ME3: variants seen among roughly 807,000 people sequenced by gnomAD.
ME3 encodes the protein NADP-dependent malic enzyme, mitochondrial.
A neutral mutation model predicts 68.9 loss-of-function variants in ME3; 48 were observed. That is an observed-to-expected ratio of 0.70 (90% CI 0.55 to 0.89). The LOEUF is 0.89. Ranked by LOEUF, ME3 falls within the 40% of genes least tolerant of loss-of-function variation. The pLI, the probability that ME3 is intolerant of heterozygous loss-of-function variation, is 0.00. For missense variants in ME3, 675 were observed against 797.4 expected (o/e 0.85, Z 1.85); for synonymous variants, 320 against 318.8 (o/e 1.00, Z -0.04).
At position 86,529,029 on chromosome 11, in the gene ME3, A is replaced by C. The variant is rs950001635; in HGVS notation, c.468-20162T>G. Among the ~76,000 whole-genome samples, 8 of 152,218 alleles carry C rather than the reference A, an allele frequency of 5.3e-5. No homozygotes were observed. In the East Asian group the frequency reaches 9.6e-4, roughly 18 times the overall value. ...ATCAGAGCTGAACTGAAGGAGAGAGAGACACAAAAAACCCCTCAAAAAATC... is the reference window on the plus strand; with the variant it reads ...ATCAGAGCTGAACTGAAGGAGAGAGCGACACAAAAAACCCCTCAAAAAATC... On this transcript the variant is annotated intron_variant, in intron 4 of 14. Coordinates refer to ENST00000543262, the Ensembl canonical transcript of ME3.
rs551056754 is a variant in ME3 at position 86,596,827 on chromosome 11, C to T, written c.184-37004G>A. ...TTGGCTTCCCTTCTGCTCTCCTTTT[C>T]TGTAATTTTCCCTCTTTTTTCTTTA... On this transcript the variant is annotated intron_variant, in intron 2 of 14. Transcript: ENST00000543262. Among the ~76,000 whole-genome samples, 17 of 152,334 alleles carry T rather than the reference C, an allele frequency of 1.1e-4. No individual in the cohort carries two copies. In the South Asian group the frequency reaches 3.5e-3, roughly 32 times the overall value.
intron 2 of ME3, among the ~76,000 whole-genome samples, chr11:86,562,542 C>T (rs1371127522): frequency 6.6e-6 from 1 of 152,168 alleles, no homozygotes; most frequent in Non-Finnish European, 1.5e-5. Flanking sequence ...TACATCCTCT[C>T]CAGCAACTGG....
intron 4 of ME3, 31 bp from the exon 5 acceptor site, chr11:86,508,898 A>C: frequency 6.4e-7 from 1 of 1,561,648 alleles, no homozygotes; most frequent in Non-Finnish European, 8.8e-7. Flanking sequence ...ACACACAGAG[A>C]AACCAGGCAG....
At chr11:86,474,318 A>G (rs933752227) in intron 7 of ME3, among the ~76,000 whole-genome samples, 9 of 152,214 alleles carry the variant, frequency 5.9e-5, no homozygotes, top group African/African-American at 1.9e-4. Flanking sequence ...CTCTGACGGC[A>G]AGTCTTGGCC....
At chr11:86,453,820 C>T (rs1340257793) in intron 8 of ME3, among the ~76,000 whole-genome samples, 1 of 152,192 alleles carries the variant, frequency 6.6e-6, no homozygotes, top group Non-Finnish European at 1.5e-5. Context: ...GTTTGGCTGT[C>T]ACTGAGAGAA....
chr11:86,513,071 C>G (rs1277377079), intron 4 of ME3, among the ~76,000 whole-genome samples: 1 of 152,188 alleles, frequency 6.6e-6, no homozygotes, highest in Non-Finnish European at 1.5e-5. Flanking sequence ...GATCCATGCA[C>G]TATTTTAGAC....
chr11:86,521,960 G>A (rs1954344685), intron 4 of ME3, among the ~76,000 whole-genome samples: 1 of 152,056 alleles, frequency 6.6e-6, no homozygotes, highest in Non-Finnish European at 1.5e-5. Context: ...GAAAATACTA[G>A]GAAAAAAGGC....
At chr11:86,520,440 C>G (rs1168945152) in intron 4 of ME3, among the ~76,000 whole-genome samples, 5 of 152,088 alleles carry the variant, frequency 3.3e-5, no homozygotes, top group African/African-American at 1.2e-4. Flanking sequence ...CTAGTCAGAT[C>G]AGAAACAAAC....
chr11:86,657,543 A>G (rs1945984155), intron 2 of ME3, among the ~76,000 whole-genome samples: 1 of 152,182 alleles, frequency 6.6e-6, no homozygotes, highest in Admixed American at 6.5e-5. Context: ...TGGGTGCAGG[A>G]AACCACCATG....
At chr11:86,654,729 G>A (rs1291071206) in intron 2 of ME3, among the ~76,000 whole-genome samples, 3 of 152,174 alleles carry the variant, frequency 2.0e-5, no homozygotes, top group East Asian at 1.9e-4. Context: ...TCAACATAGT[G>A]TTGGAAGTTC....
chr11:86,670,614 AT>A lies in ME3; in HGVS notation c.183+1147del, dbSNP rs200423099. ...TCCAATGTGATAGAGGTTGATTTTG[AT>A]TTTTTTTTCCTTAGCCGCTTCTATT... On this transcript the variant is annotated intron_variant, in intron 2 of 14. Coordinates refer to ENST00000543262, the Ensembl canonical transcript of ME3. Among the ~76,000 whole-genome samples the A allele has an allele frequency of 5.3e-5, 8 of 151,758 alleles. No individual in the cohort carries two copies. The South Asian group carries it at 8.4e-4, about 16-fold the overall frequency.
At chr11:86,564,128 G>A (rs1411972666) in intron 2 of ME3, among the ~76,000 whole-genome samples, 1 of 152,084 alleles carries the variant, frequency 6.6e-6, no homozygotes, top group African/African-American at 2.4e-5. Flanking sequence ...TCTTTCAGCA[G>A]GGTTTTGTAG....
intron 8 of ME3, among the ~76,000 whole-genome samples, chr11:86,458,560 A>G (rs1950065242): frequency 6.6e-6 from 1 of 152,184 alleles, no homozygotes; most frequent in Non-Finnish European, 1.5e-5. Flanking sequence ...TGAGATCCAC[A>G]TGAACTTCAG....
chr11:86,648,461 G>T (rs972404514), intron 2 of ME3, among the ~76,000 whole-genome samples: 2 of 145,036 alleles, frequency 1.4e-5, no homozygotes, highest in African/African-American at 5.0e-5. Flanking sequence ...CAGAAGACAA[G>T]AAATAACTAA....
intron 4 of ME3, among the ~76,000 whole-genome samples, chr11:86,542,530 T>C (rs140479750): frequency 6.1e-4 from 93 of 152,246 alleles, no homozygotes; most frequent in African/African-American, 2.2e-3. Flanking sequence ...AACAGCAGAA[T>C]TGATTAAGCG....
At chr11:86,446,954 A>T in intron 12 of ME3, 111 bp downstream of exon 12, 1 of 1,380,172 alleles carries the variant, frequency 7.2e-7, no homozygotes, top group Non-Finnish European at 9.7e-7. Flanking sequence ...ATCTTTCTGA[A>T]ATTCAGTTTG....
intron 4 of ME3, among the ~76,000 whole-genome samples, chr11:86,536,137 TG>T (rs1471493573): frequency 6.6e-6 from 1 of 152,178 alleles, no homozygotes; most frequent in Non-Finnish European, 1.5e-5. Flanking sequence ...GGGGCTGCCT[TG>T]TCTGTTGCAC....
intron 11 of ME3, 23 bp from the exon 12 acceptor site, chr11:86,447,230 G>A (rs1348446610): frequency 1.2e-6 from 2 of 1,611,824 alleles, no homozygotes; most frequent in Non-Finnish European, 1.7e-6. Context: ...GGCGGGTAGT[G>A]GGGATGCCTG....
At chr11:86,586,392 C>T (rs1309580542) in intron 2 of ME3, among the ~76,000 whole-genome samples, 2 of 152,140 alleles carry the variant, frequency 1.3e-5, no homozygotes, top group Non-Finnish European at 2.9e-5. Context: ...CTCTGGTTGA[C>T]AGTGTGTTGT....
Sources: allele counts gnomAD v4.1 joint callset (sites outside exome capture counted in the v4.1 genomes callset), GRCh38; gene constraint gnomAD v4.1.1; transcripts MANE v1.5; gene names NCBI Gene and HGNC (gene_info 2026-07-23, HGNC 2026-07-21).